Variants in MARK4 observed in about 807,000 individuals in gnomAD.
The protein encoded by MARK4 is MAP/microtubule affinity-regulating kinase 4.
Under a neutral mutation model 81.5 loss-of-function variants are expected in MARK4, and 19 were observed. The observed-to-expected ratio is 0.23, with a 90% confidence interval of 0.16 to 0.34. The LOEUF (loss-of-function observed/expected upper bound fraction) is 0.34, where lower values mean the gene tolerates loss of function less well. Ranked by LOEUF, MARK4 falls within the 10% of genes least tolerant of loss-of-function variation. The pLI is 1.00. For synonymous variants in MARK4, 436 were observed against 439.0 expected, an observed-to-expected ratio of 0.99 and a Z score of 0.08; for missense variants, 772 against 1,058.8, an observed-to-expected ratio of 0.73 and a Z score of 3.76.
chr19:45,297,885 C>T lies in MARK4; in HGVS notation c.1808C>T (p.Pro603Leu). The change falls in exon 15 of 17, where the codon CCC becomes CTC. Residue 603 changes from proline to leucine, a missense_variant. Coordinates refer to ENST00000262891, the MANE Select transcript of MARK4 (RefSeq NM_001199867.2). ...CCCACACTGGCCCATGAGGCTGCAC[C>T]CCTGCCCGCCGGGCGGCCCCGCCCC... ...ASPTLAHEAA[P>L]LPAGRPRPTT... 6.5e-7 allele frequency: 1 copy of T among 1,549,902 alleles called. No homozygotes were observed. The highest frequency in any genetic ancestry group is 8.7e-7 in the Non-Finnish European group (1 of 1,146,752).
chr19:45,289,733 G>A (rs991473335), intron 13 of MARK4, among the ~76,000 whole-genome samples: 10 of 152,096 alleles, frequency 6.6e-5, no homozygotes, highest in Non-Finnish European at 1.5e-4. Flanking sequence ...TCACGCCACT[G>A]CACTCCAGCC....
chr19:45,267,162 G>A (rs1344076850), intron 7 of MARK4, among the ~76,000 whole-genome samples: 7 of 151,272 alleles, frequency 4.6e-5, no homozygotes, highest in Admixed American at 3.9e-4. Context: ...GGGTTCAGGC[G>A]ATTCTCCTGC....
intron 2 of MARK4, 47 bp from the exon 3 acceptor site, chr19:45,263,066 G>T: frequency 6.4e-7 from 1 of 1,572,834 alleles, no homozygotes; most frequent in Non-Finnish European, 8.6e-7. Flanking sequence ...ATATCCAGTG[G>T]GGCTTGTGGC....
intron 7 of MARK4, 77 bp downstream of exon 7, chr19:45,266,358 G>T: frequency 7.0e-7 from 1 of 1,421,890 alleles, no homozygotes; most frequent in Non-Finnish European, 9.9e-7. Flanking sequence ...CCCCTCCATG[G>T]TTTCCGTGGC....
At chr19:45,255,536 G>C (rs1486305490) in intron 1 of MARK4, among the ~76,000 whole-genome samples, 1 of 147,976 alleles carries the variant, frequency 6.8e-6, no homozygotes, top group Non-Finnish European at 1.5e-5. Flanking sequence ...ACTCCAGCCT[G>C]GGCAACAAGA....
chr19:45,283,904 G>C (rs1970709408), intron 12 of MARK4, among the ~76,000 whole-genome samples: 1 of 152,102 alleles, frequency 6.6e-6, no homozygotes, highest in Non-Finnish European at 1.5e-5. Flanking sequence ...GTCTGCAGGG[G>C]TGAAGTTCTT....
chr19:45,284,722 T>C (rs1224449384), intron 12 of MARK4, among the ~76,000 whole-genome samples: 1 of 152,020 alleles, frequency 6.6e-6, no homozygotes, highest in Non-Finnish European at 1.5e-5. Flanking sequence ...GGAGGCTGAA[T>C]TGGGTGGATC....
chr19:45,276,448 G>C (rs182306328), intron 8 of MARK4, among the ~76,000 whole-genome samples: 1 of 152,230 alleles, frequency 6.6e-6, no homozygotes, highest in South Asian at 2.1e-4. Context: ...AAAGCCAGCA[G>C]ATAAATCCAT....
intron 8 of MARK4, among the ~76,000 whole-genome samples, chr19:45,277,433 A>ATTTTT (rs35920861): frequency 3.0e-5 from 4 of 131,872 alleles, no homozygotes; most frequent in Non-Finnish European, 3.2e-5. Context: ...TGTAGCTTAA[A>ATTTTT]TTTTTTTTTT....
chr19:45,273,206 C>T (rs1350581352), intron 8 of MARK4, among the ~76,000 whole-genome samples: 1 of 151,780 alleles, frequency 6.6e-6, no homozygotes. Context: ...AACAGTAGAG[C>T]AAATAACACA....
chr19:45,301,173 C>T (rs1277195774), intron 16 of MARK4, among the ~76,000 whole-genome samples: 1 of 152,164 alleles, frequency 6.6e-6, no homozygotes, highest in Non-Finnish European at 1.5e-5. Context: ...ATTCCAACAA[C>T]TCAGGAGGCC....
At chr19:45,289,009 G>A (rs181370904) in intron 13 of MARK4, among the ~76,000 whole-genome samples, 2 of 152,148 alleles carry the variant, frequency 1.3e-5, no homozygotes, top group Admixed American at 6.6e-5. Flanking sequence ...GGCTGGTCAC[G>A]GCAGGTTACT....
At chr19:45,268,322 C>T (rs1490683135) in intron 7 of MARK4, among the ~76,000 whole-genome samples, 1 of 151,646 alleles carries the variant, frequency 6.6e-6, no homozygotes, top group Non-Finnish European at 1.5e-5. Flanking sequence ...CGCGGTGGCT[C>T]TCACCTGTCC....
intron 7 of MARK4, among the ~76,000 whole-genome samples, chr19:45,266,884 C>T (rs1195524481): frequency 3.3e-5 from 5 of 151,666 alleles, no homozygotes; most frequent in Non-Finnish European, 7.4e-5. Flanking sequence ...AGGCGCCCGC[C>T]ACCAAGCCCG....
intron 8 of MARK4, among the ~76,000 whole-genome samples, chr19:45,272,051 G>A (rs113276892): frequency 1.0e-5 from 1 of 96,704 alleles, no homozygotes; most frequent in Non-Finnish European, 2.9e-5. Context: ...CTCCTGCTTG[G>A]CCGGGTGCGG....
At chr19:45,274,852 A>G (rs1027546991) in intron 8 of MARK4, among the ~76,000 whole-genome samples, 1 of 152,170 alleles carries the variant, frequency 6.6e-6, no homozygotes, top group African/African-American at 2.4e-5. Flanking sequence ...CTTGCTGTGC[A>G]AAGGAGGCAC....
chr19:45,296,303 TC>T (rs1970886170), intron 14 of MARK4, among the ~76,000 whole-genome samples: 1 of 151,996 alleles, frequency 6.6e-6, no homozygotes, highest in African/African-American at 2.4e-5. Context: ...AACAAAGAGA[TC>T]CCAGGGTAGA....
At position 45,267,759 on chromosome 19, in the gene MARK4, C is replaced by A. The variant is rs575491244; in HGVS notation, c.549+1478C>A. On this transcript the variant is annotated intron_variant, in intron 7 of 16. Coordinates refer to ENST00000262891, the MANE Select transcript of MARK4 (RefSeq NM_001199867.2). ...CACTGTAGCCTCAACCTCTTGGGCTCAAATAGTTCTCTCACCTCAGCCTCC... is the reference window on the plus strand; with the variant it reads ...CACTGTAGCCTCAACCTCTTGGGCTAAAATAGTTCTCTCACCTCAGCCTCC... Among the ~76,000 whole-genome samples, 3 of 152,306 alleles carry A rather than the reference C, an allele frequency of 2.0e-5. No individual in the cohort carries two copies. The East Asian group carries it at 5.8e-4, about 29-fold the overall frequency.
At chr19:45,266,365 T>C in intron 7 of MARK4, 84 bp downstream of exon 7, 2 of 1,341,416 alleles carry the variant, frequency 1.5e-6, no homozygotes, top group South Asian at 2.3e-5. Context: ...ATGGTTTCCG[T>C]GGCCTCCAGC....
Sources: allele counts gnomAD v4.1 joint callset (sites outside exome capture counted in the v4.1 genomes callset), GRCh38; gene constraint gnomAD v4.1.1; transcripts MANE v1.5; gene names NCBI Gene and HGNC (gene_info 2026-07-23, HGNC 2026-07-21).